CCDC88A: variants seen among roughly 807,000 people sequenced by gnomAD.
The protein encoded by CCDC88A is girdin.
A neutral mutation model predicts 234.3 loss-of-function variants in CCDC88A; 54 were observed. The ratio of observed to expected loss-of-function variants is 0.23; its 90% CI spans 0.19 to 0.29. CCDC88A has a LOEUF of 0.29. CCDC88A is among the 10% of genes least tolerant of loss of function. The pLI is 1.00. For missense variants in CCDC88A, 1,832 were observed against 2,123.4 expected (o/e 0.86, Z 2.70); for synonymous variants, 753 against 737.8 (o/e 1.02, Z -0.33).
chr2:55,375,509 ATATG>A (rs3060117), intron 3 of CCDC88A, among the ~76,000 whole-genome samples: 2 of 15,614 alleles, frequency 1.3e-4, no homozygotes, highest in East Asian at 8.5e-4. Flanking sequence ...ATATATATAT[ATATG>A]TATGTATGTA....
rs368125112 is a variant in CCDC88A at position 55,332,515 on chromosome 2, CAAAA to C, written c.2855+47_2855+50del. On this transcript the variant is annotated intron_variant, in intron 16 of 32. Transcript: ENST00000436346. This position sits in a 1 kb window ranked among gnomAD's most constrained non-coding sequence, Gnocchi z 4.5. ...AGTACAGAAAGAATTCATGTATGAG[CAAAA>C]AAAAAAAAAAATTTTCAACTGTTTG... The C allele has an allele frequency of 1.2e-5, 16 of 1,378,420 alleles. No homozygotes were observed. Among genetic ancestry groups the C allele is most frequent in the South Asian group, 2.6e-5 (2 of 75,492 alleles). 85.4% of individuals were successfully genotyped at this position (1,378,420 alleles called of 1,614,324 possible). A position where few individuals can be genotyped will look rare whatever the true frequency, so the allele number is the denominator to read the frequency against.
At chr2:55,415,880 T>A (rs1416986986) in intron 2 of CCDC88A, among the ~76,000 whole-genome samples, 2 of 152,092 alleles carry the variant, frequency 1.3e-5, no homozygotes, top group African/African-American at 4.8e-5. Context: ...AAGATCAAAC[T>A]GTTTTCAGGT....
At chr2:55,388,739 T>C (rs1022797246) in intron 3 of CCDC88A, 39 bp downstream of exon 3, 2 of 760,698 alleles carry the variant, frequency 2.6e-6, no homozygotes, top group South Asian at 1.6e-5. Flanking sequence ...AAAATGTAAG[T>C]AGTTATTAAA....
intron 15 of CCDC88A, among the ~76,000 whole-genome samples, chr2:55,333,209 A>AGAAGAAAT (rs1685129951): frequency 6.6e-6 from 1 of 152,204 alleles, no homozygotes; most frequent in Non-Finnish European, 1.5e-5. Flanking sequence ...ATGCTTCTTT[A>AGAAGAAAT]GCAGAAATGC....
intron 8 of CCDC88A, among the ~76,000 whole-genome samples, chr2:55,351,979 G>C (rs750956051): frequency 6.6e-5 from 10 of 152,152 alleles, no homozygotes; most frequent in African/African-American, 4.8e-5. Flanking sequence ...CAAAAGGCAC[G>C]TATTGTATGA....
chr2:55,330,271 G>A (rs1294472086), intron 16 of CCDC88A: 2 of 151,988 alleles, frequency 1.3e-5, no homozygotes, highest in Non-Finnish European at 2.9e-5. Context: ...GACAAGGTGG[G>A]TGGATCCTGG....
chr2:55,375,153 G>A (rs911639557), intron 3 of CCDC88A, among the ~76,000 whole-genome samples: 2 of 147,502 alleles, frequency 1.4e-5, no homozygotes, highest in African/African-American at 5.4e-5. Context: ...GAAAGCCAGG[G>A]TGGGAGGATC....
At chr2:55,392,850 A>G (rs1319240284) in intron 2 of CCDC88A, among the ~76,000 whole-genome samples, 1 of 151,952 alleles carries the variant, frequency 6.6e-6, no homozygotes, top group African/African-American at 2.4e-5. Flanking sequence ...TTTGGAGTCT[A>G]TTCTGTCCCA....
intron 13 of CCDC88A, chr2:55,337,652 C>T (rs938678407): frequency 3.3e-5 from 5 of 152,050 alleles, no homozygotes; most frequent in Admixed American, 6.6e-5. Context: ...CACAGTGAAA[C>T]GATGTCTCTA....
intron 2 of CCDC88A, among the ~76,000 whole-genome samples, chr2:55,400,390 A>C (rs1406817351): frequency 6.6e-6 from 1 of 152,206 alleles, no homozygotes; most frequent in Non-Finnish European, 1.5e-5. Flanking sequence ...GAAAACTAAA[A>C]AAATGCTTTA....
chr2:55,317,782 G>T lies in CCDC88A; in HGVS notation c.3384C>A (p.Leu1128=). 6.2e-7 allele frequency: 1 copy of T among 1,612,066 alleles called. No individual in the cohort carries two copies. Among genetic ancestry groups the T allele is most frequent in the Non-Finnish European group, 8.5e-7 (1 of 1,178,596 alleles). Reference sequence around the variant, plus strand: ...TTTCTAAGGAAGACTGCTGGATTAGGAGTTGGGCATTCTGGTTCATGAGTG... The same window carrying T: ...TTTCTAAGGAAGACTGCTGGATTAGTAGTTGGGCATTCTGGTTCATGAGTG... ...STSLMNQNAQ[L]LIQQSSLENE... The change falls in exon 20 of 33, where the codon CTC becomes CTA. Residue 1128 remains leucine, a synonymous_variant. Transcript: ENST00000436346. The surrounding 1 kb of genome is among the most constrained non-coding windows in gnomAD (Gnocchi z 4.2).
At chr2:55,375,418 T>C (rs1673468384) in intron 3 of CCDC88A, among the ~76,000 whole-genome samples, 1 of 149,534 alleles carries the variant, frequency 6.7e-6, no homozygotes, top group Non-Finnish European at 1.5e-5. Flanking sequence ...TCTTGTTAGT[T>C]CTCACTGAGG....
chr2:55,395,001 A>C (rs539738627), intron 2 of CCDC88A, among the ~76,000 whole-genome samples: 170 of 152,044 alleles, frequency 1.1e-3, no homozygotes, highest in Non-Finnish European at 2.1e-3. Context: ...GCACGCCACC[A>C]CACCTGGCTG....
intron 3 of CCDC88A, among the ~76,000 whole-genome samples, chr2:55,385,369 T>C (rs1675410641): frequency 6.6e-6 from 1 of 152,010 alleles, no homozygotes; most frequent in African/African-American, 2.4e-5. Context: ...TTGACACAAA[T>C]ATGGAGTGAA....
At chr2:55,349,839 A>G (rs1669646485) in intron 8 of CCDC88A, 1 of 345,014 alleles carries the variant, frequency 2.9e-6, no homozygotes, top group East Asian at 5.1e-5. Context: ...TATGTAATAC[A>G]GTTTTTCTCT....
intron 7 of CCDC88A, 72 bp downstream of exon 7, chr2:55,362,236 A>G (rs1015336167): frequency 9.2e-6 from 11 of 1,197,094 alleles, no homozygotes; most frequent in Non-Finnish European, 1.3e-5. Context: ...TCGTTTCTGA[A>G]AAGTTCCTAA....
At chr2:55,375,798 G>C (rs1172323289) in intron 3 of CCDC88A, among the ~76,000 whole-genome samples, 2 of 151,848 alleles carry the variant, frequency 1.3e-5, no homozygotes, top group Non-Finnish European at 2.9e-5. Context: ...AAAGTGTTGA[G>C]ATTACAGGCA....
In CCDC88A at chr2:55,352,312, C is replaced by T. The variant is rs187997371; in HGVS notation, c.801-2713G>A. On this transcript the variant is annotated intron_variant, in intron 8 of 32. Transcript: ENST00000436346. ...AGGCGTGGTGGTGCATGCCTGTAAT[C>T]CCAGCTACTCAGGAGGCTGAGGCAG... Among the ~76,000 whole-genome samples the T allele has an allele frequency of 6.5e-3, 988 of 152,064 alleles. 2 individuals are homozygous for T. The highest frequency in any genetic ancestry group is 0.01 in the Non-Finnish European group (701 of 67,986).
chr2:55,376,934 C>G (rs1414326361), intron 3 of CCDC88A, among the ~76,000 whole-genome samples: 2 of 152,090 alleles, frequency 1.3e-5, no homozygotes, highest in African/African-American at 4.8e-5. Context: ...CTGGTGCAAG[C>G]AATTCTCTGC....
Sources: gnomAD v4.1 joint callset for allele counts (sites outside exome capture counted in the v4.1 genomes callset) on GRCh38, gnomAD v4.1.1 for gene constraint, Gnocchi (gnomAD v3.1) non-coding constraint, MANE v1.5 for transcripts, NCBI Gene and HGNC (gene_info 2026-07-23, HGNC 2026-07-21) for gene names.